MPPED2: variants seen among roughly 807,000 people sequenced by gnomAD.
MPPED2 encodes metallophosphoesterase domain containing 2, also known as metallophosphoesterase MPPED2.
MPPED2 carries 5 observed loss-of-function variants against 33.0 expected under a neutral mutation model. The ratio of observed to expected loss-of-function variants is 0.15; its 90% CI spans 0.08 to 0.32. The LOEUF (loss-of-function observed/expected upper bound fraction) is 0.32. Ranked by LOEUF, MPPED2 falls within the 10% of genes least tolerant of loss-of-function variation. The pLI is 1.00. For missense variants in MPPED2, 275 were observed against 372.1 expected (o/e 0.74, Z 2.15); for synonymous variants, 136 against 141.9 (o/e 0.96, Z 0.29).
chr11:30,403,441 T>G (rs1173444964), intron 6 of MPPED2, among the ~76,000 whole-genome samples: 1 of 152,214 alleles, frequency 6.6e-6, no homozygotes, highest in African/African-American at 2.4e-5. Flanking sequence ...TGATGAGTAT[T>G]GTTATTTTTC....
intron 3 of MPPED2, among the ~76,000 whole-genome samples, chr11:30,501,995 A>C (rs1952588013): frequency 6.6e-6 from 1 of 152,186 alleles, no homozygotes; most frequent in Admixed American, 6.5e-5. Flanking sequence ...TCTGAGGTTC[A>C]CCAGAGCAGC....
intron 4 of MPPED2, chr11:30,452,043 C>T (rs1950085843): frequency 2.0e-6 from 2 of 985,324 alleles, no homozygotes; most frequent in Admixed American, 6.1e-5. Context: ...TTTTTGTTCA[C>T]TTAATGCTGC....
intron 5 of MPPED2, among the ~76,000 whole-genome samples, chr11:30,416,042 T>C (rs1948340070): frequency 6.6e-6 from 1 of 152,236 alleles, no homozygotes; most frequent in Non-Finnish European, 1.5e-5. Flanking sequence ...GCTAGCAATT[T>C]AATGATGTAG....
At chr11:30,468,222 C>T (rs1216370485) in intron 4 of MPPED2, among the ~76,000 whole-genome samples, 7 of 146,328 alleles carry the variant, frequency 4.8e-5, no homozygotes, top group African/African-American at 1.8e-4. Context: ...ACAAATATGG[C>T]ATACTATACA....
chr11:30,475,164 A>AT (rs1951125254), intron 4 of MPPED2, among the ~76,000 whole-genome samples: 1 of 152,150 alleles, frequency 6.6e-6, no homozygotes, highest in Admixed American at 6.5e-5. Flanking sequence ...ACTGATATAA[A>AT]TTTATCTATC....
At chr11:30,402,667 C>T (rs1947925253) in intron 6 of MPPED2, among the ~76,000 whole-genome samples, 3 of 152,152 alleles carry the variant, frequency 2.0e-5, no homozygotes, top group Non-Finnish European at 4.4e-5. Flanking sequence ...CTTCCTATTC[C>T]CATTCTCCCA....
intron 1 of MPPED2, among the ~76,000 whole-genome samples, chr11:30,583,441 C>T (rs558437571): frequency 6.6e-6 from 1 of 152,170 alleles, no homozygotes; most frequent in African/African-American, 2.4e-5. Flanking sequence ...AACAAAGGAA[C>T]CCAGGACGAA....
intron 1 of MPPED2, among the ~76,000 whole-genome samples, chr11:30,581,020 A>C (rs1438343939): frequency 2.0e-5 from 3 of 152,246 alleles, no homozygotes; most frequent in Non-Finnish European, 4.4e-5. Context: ...CACACATTAC[A>C]CATATTTTTT....
chr11:30,491,742 T>G (rs772348649), intron 4 of MPPED2, among the ~76,000 whole-genome samples: 5 of 152,232 alleles, frequency 3.3e-5, no homozygotes, highest in Non-Finnish European at 5.9e-5. Flanking sequence ...AATGCAGACA[T>G]TTCTAAATCG....
chr11:30,499,935 C>T (rs1231317461), intron 3 of MPPED2, among the ~76,000 whole-genome samples: 2 of 152,146 alleles, frequency 1.3e-5, no homozygotes, highest in African/African-American at 4.8e-5. Flanking sequence ...GCACTTCCAG[C>T]TTCTTGTGGG....
At position 30,455,354 on chromosome 11, in the gene MPPED2, C is replaced by T. The variant is rs995569639; in HGVS notation, c.537-37721G>A. Reference sequence around the variant, plus strand: ...GGGGGCCCACAAGCTCTGCCAGTGACCCTGTCAAAAGGCCAGTTAGCAGGG... The same window carrying T: ...GGGGGCCCACAAGCTCTGCCAGTGATCCTGTCAAAAGGCCAGTTAGCAGGG... On this transcript the variant is annotated intron_variant, in intron 4 of 6. Transcript: ENST00000358117. Among the ~76,000 whole-genome samples the T allele has an allele frequency of 4.6e-5, 7 of 152,276 alleles. 1 individual carries two copies. The highest frequency in any genetic ancestry group is 2.0e-4 in the Admixed American group (3 of 15,298).
intron 4 of MPPED2, among the ~76,000 whole-genome samples, chr11:30,443,027 T>C (rs569718245): frequency 3.2e-4 from 48 of 152,122 alleles, no homozygotes; most frequent in Admixed American, 2.7e-3. Context: ...CTTTCATCCT[T>C]ATCTTTTTTT....
At chr11:30,435,557 G>A (rs1367633852) in intron 4 of MPPED2, among the ~76,000 whole-genome samples, 1 of 152,200 alleles carries the variant, frequency 6.6e-6, no homozygotes, top group Non-Finnish European at 1.5e-5. Flanking sequence ...GAGAAGGAGA[G>A]AAAACTGTGT....
intron 6 of MPPED2, among the ~76,000 whole-genome samples, chr11:30,396,963 T>C (rs1235972328): frequency 1.3e-5 from 2 of 152,168 alleles, no homozygotes; most frequent in Non-Finnish European, 2.9e-5. Context: ...CTATCTCTCT[T>C]CTTTATTCCT....
chr11:30,496,545 C>A (rs1952262149), intron 3 of MPPED2, among the ~76,000 whole-genome samples: 1 of 152,116 alleles, frequency 6.6e-6, no homozygotes, highest in African/African-American at 2.4e-5. Flanking sequence ...TTTCTGAGAC[C>A]TATGGGTCTG....
chr11:30,407,430 A>G (rs928380997), downstream of MPPED2, among the ~76,000 whole-genome samples: 1 of 152,242 alleles, frequency 6.6e-6, no homozygotes, highest in Non-Finnish European at 1.5e-5. Context: ...CTGGGAAGTT[A>G]GGCTCCCTTA....
intron 3 of MPPED2, among the ~76,000 whole-genome samples, chr11:30,513,781 A>G (rs1953363234): frequency 6.6e-6 from 1 of 152,218 alleles, no homozygotes; most frequent in Non-Finnish European, 1.5e-5. Context: ...GAATGAAAGA[A>G]AAGAGAACAA....
intron 4 of MPPED2, among the ~76,000 whole-genome samples, chr11:30,472,842 A>G (rs1951008473): frequency 6.6e-6 from 1 of 152,216 alleles, no homozygotes; most frequent in Admixed American, 6.5e-5. Context: ...TTGCACAACA[A>G]TGTACATGTA....
At chr11:30,404,842 T>C (rs1343754958) in intron 6 of MPPED2, among the ~76,000 whole-genome samples, 3 of 152,226 alleles carry the variant, frequency 2.0e-5, no homozygotes, top group African/African-American at 7.2e-5. Context: ...TCATCTGTGA[T>C]TGATTTTGCC....
Sources: gnomAD v4.1 joint callset for allele counts (sites outside exome capture counted in the v4.1 genomes callset) on GRCh38, gnomAD v4.1.1 for gene constraint, MANE v1.5 for transcripts, NCBI Gene and HGNC (gene_info 2026-07-23, HGNC 2026-07-21) for gene names.